ADAMTSL1: variants seen among roughly 807,000 people sequenced by gnomAD.
The protein encoded by ADAMTSL1 is ADAMTS like 1.
In ADAMTSL1, 126 loss-of-function variants were observed where a neutral mutation model predicts 201.8. That is an observed-to-expected ratio of 0.62 (90% CI 0.54 to 0.72). The LOEUF (loss-of-function observed/expected upper bound fraction) is 0.72, where lower values mean the gene tolerates loss of function less well. Ranked by LOEUF, ADAMTSL1 falls within the 30% of genes least tolerant of loss-of-function variation. ADAMTSL1 has a pLI of 0.00. For missense variants in ADAMTSL1, 2,679 were observed against 2,277.8 expected (o/e 1.18, Z -3.59); for synonymous variants, 1,121 against 903.4 (o/e 1.24, Z -4.32).
chr9:18,417,735 G>A (rs1308970899), intron 2 of ADAMTSL1, among the ~76,000 whole-genome samples: 1 of 152,098 alleles, frequency 6.6e-6, no homozygotes, highest in Non-Finnish European at 1.5e-5. Context: ...TGTAGTTAAA[G>A]TTTTGTCAAA....
intron 2 of ADAMTSL1, among the ~76,000 whole-genome samples, chr9:18,235,108 C>A (rs551581332): frequency 5.3e-5 from 8 of 152,114 alleles, no homozygotes; most frequent in African/African-American, 1.9e-4. Context: ...TTTTTCTGGT[C>A]TGGAATCACA....
At position 17,974,608 on chromosome 9, in the gene ADAMTSL1, A is replaced by G. The variant is rs145582215; in HGVS notation, c.87+67686A>G. ...ATTTAGACTCCATATATGTGAGATCATACAGTATTTATCTTTCTGTGCCTT... is the reference window on the plus strand; with the variant it reads ...ATTTAGACTCCATATATGTGAGATCGTACAGTATTTATCTTTCTGTGCCTT... On this transcript the variant is annotated intron_variant, in intron 1 of 29. Coordinates refer to the ADAMTSL1 transcript ENST00000680146. Among the ~76,000 whole-genome samples, 386 of 152,148 alleles carry G rather than the reference A, an allele frequency of 2.5e-3. 3 individuals are homozygous for G. Among genetic ancestry groups the G allele is most frequent in the Middle Eastern group, 0.024 (7 of 294 alleles).
chr9:18,530,074 A>T (rs1292464169), intron 2 of ADAMTSL1, among the ~76,000 whole-genome samples: 17 of 152,168 alleles, frequency 1.1e-4, no homozygotes, highest in Admixed American at 1.1e-3. Context: ...CTATTGAAAC[A>T]AGTATTTTTC....
intron 1 of ADAMTSL1, among the ~76,000 whole-genome samples, chr9:18,115,066 T>A (rs552226612): frequency 6.6e-6 from 1 of 152,148 alleles, no homozygotes; most frequent in Non-Finnish European, 1.5e-5. Context: ...TTGCCAGGTT[T>A]TAAAAAAAAT....
At chr9:18,458,895 G>C (rs920387075) in intron 2 of ADAMTSL1, among the ~76,000 whole-genome samples, 1 of 152,146 alleles carries the variant, frequency 6.6e-6, no homozygotes, top group African/African-American at 2.4e-5. Context: ...ATGTTCTGAG[G>C]AGTTCAGAGC....
chr9:17,959,932 C>T (rs1199757579), intron 1 of ADAMTSL1, among the ~76,000 whole-genome samples: 2 of 152,048 alleles, frequency 1.3e-5, no homozygotes, highest in East Asian at 1.9e-4. Flanking sequence ...AACTTTCTAT[C>T]CCTAGGAGTC....
At chr9:18,498,756 A>G (rs1822672658) in intron 1 of ADAMTSL1, among the ~76,000 whole-genome samples, 1 of 152,244 alleles carries the variant, frequency 6.6e-6, no homozygotes, top group South Asian at 2.1e-4. Context: ...TTTCTCCTGC[A>G]GCATGATACA....
intron 1 of ADAMTSL1, among the ~76,000 whole-genome samples, chr9:18,095,596 G>T (rs185236812): frequency 6.6e-6 from 1 of 151,656 alleles, no homozygotes; most frequent in East Asian, 1.9e-4. Context: ...CTAATTTTTT[G>T]TATTTTTAGT....
intron 1 of ADAMTSL1, among the ~76,000 whole-genome samples, chr9:17,987,821 C>T (rs550627754): frequency 6.6e-6 from 1 of 152,162 alleles, no homozygotes; most frequent in African/African-American, 2.4e-5. Context: ...AATGCAGACT[C>T]AGTCAGCAGT....
chr9:18,259,042 C>T (rs1337008506), intron 2 of ADAMTSL1, among the ~76,000 whole-genome samples: 1 of 152,178 alleles, frequency 6.6e-6, no homozygotes, highest in African/African-American at 2.4e-5. Context: ...AGTGACTTTT[C>T]TTTGACTCTG....
At chr9:18,327,964 T>C (rs1330341832) in intron 2 of ADAMTSL1, among the ~76,000 whole-genome samples, 1 of 152,224 alleles carries the variant, frequency 6.6e-6, no homozygotes, top group Non-Finnish European at 1.5e-5. Context: ...TGTTTTTTCC[T>C]GTTTTAAAGT....
At chr9:18,438,229 A>G (rs186109927) in intron 2 of ADAMTSL1, among the ~76,000 whole-genome samples, 3 of 73,040 alleles carry the variant, frequency 4.1e-5, no homozygotes, top group African/African-American at 5.1e-5. Flanking sequence ...GAGATGGAGA[A>G]AAAAAAAAAG....
intron 1 of ADAMTSL1, among the ~76,000 whole-genome samples, chr9:17,948,689 G>A (rs1285672458): frequency 6.6e-6 from 1 of 152,138 alleles, no homozygotes; most frequent in Non-Finnish European, 1.5e-5. Context: ...GCAGAAATAA[G>A]TACAAAGTGG....
intron 24 of ADAMTSL1, 112 bp downstream of exon 24, chr9:18,888,155 T>C: frequency 8.7e-7 from 1 of 1,150,238 alleles, no homozygotes; most frequent in Non-Finnish European, 1.2e-6. Context: ...ACTCAAGGCA[T>C]GAAAACCAAA....
chr9:18,266,669 T>A (rs1039556900), intron 2 of ADAMTSL1, among the ~76,000 whole-genome samples: 4 of 152,154 alleles, frequency 2.6e-5, no homozygotes, highest in Non-Finnish European at 4.4e-5. Flanking sequence ...GATGGCGTGG[T>A]TCCATGGTCC....
intron 3 of ADAMTSL1, among the ~76,000 whole-genome samples, chr9:18,568,315 C>A (rs932543394): frequency 3.3e-5 from 5 of 152,028 alleles, no homozygotes; most frequent in Non-Finnish European, 5.9e-5. Context: ...TAACAAAGAC[C>A]AAAATATGTA....
At chr9:18,566,686 G>A (rs1193691432) in intron 3 of ADAMTSL1, among the ~76,000 whole-genome samples, 1 of 152,138 alleles carries the variant, frequency 6.6e-6, no homozygotes, top group Non-Finnish European at 1.5e-5. Flanking sequence ...TGAAGACACA[G>A]GGCCTTGATT....
intron 15 of ADAMTSL1, among the ~76,000 whole-genome samples, chr9:18,722,059 T>C (rs1365316544): frequency 6.6e-6 from 1 of 152,190 alleles, no homozygotes; most frequent in Non-Finnish European, 1.5e-5. Flanking sequence ...TATAAGGGCC[T>C]GAAGCAACTG....
chr9:18,285,920 C>T (rs1392106504), intron 2 of ADAMTSL1, among the ~76,000 whole-genome samples: 1 of 152,104 alleles, frequency 6.6e-6, no homozygotes, highest in East Asian at 1.9e-4. Context: ...ATTCATAAGA[C>T]TGCACAGCCA....
Sources: gnomAD v4.1 joint callset for allele counts (sites outside exome capture counted in the v4.1 genomes callset) on GRCh38, gnomAD v4.1.1 for gene constraint, MANE v1.5 for transcripts, NCBI Gene and HGNC (gene_info 2026-07-23, HGNC 2026-07-21) for gene names.